FILIP1: variants seen among roughly 807,000 people sequenced by gnomAD.
FILIP1 encodes filamin-A-interacting protein 1.
In FILIP1, 61 loss-of-function variants were observed where a neutral mutation model predicts 102.1. The observed-to-expected ratio is 0.60, with a 90% CI of 0.49 to 0.74. The LOEUF (loss-of-function observed/expected upper bound fraction) is 0.74. Among genes scored for constraint, FILIP1 ranks in the 30% least tolerant of loss-of-function variants. The pLI, the probability that FILIP1 is intolerant of heterozygous loss-of-function variation, is 0.00. For missense variants in FILIP1, 1,314 were observed against 1,441.2 expected (o/e 0.91, Z 1.43); for synonymous variants, 491 against 526.9 (o/e 0.93, Z 0.93).
At chr6:75,396,236 G>A (rs1312642879) in intron 2 of FILIP1, among the ~76,000 whole-genome samples, 1 of 151,340 alleles carries the variant, frequency 6.6e-6, no homozygotes, top group Non-Finnish European at 1.5e-5. Flanking sequence ...GTGGTGAGCC[G>A]GGGTCAGCCC....
intron 1 of FILIP1, among the ~76,000 whole-genome samples, chr6:75,415,981 G>A (rs1382293317): frequency 6.6e-6 from 1 of 152,112 alleles, no homozygotes; most frequent in Admixed American, 6.6e-5. Context: ...CCTGTGGGGT[G>A]TATTTCAAAT....
chr6:75,451,192 A>C (rs1390524416), intron 1 of FILIP1, among the ~76,000 whole-genome samples: 2 of 150,868 alleles, frequency 1.3e-5, no homozygotes. Flanking sequence ...AACAAAATTC[A>C]GAGGCAAATT....
chr6:75,315,998 G>A (rs1318815046), intron 4 of FILIP1, among the ~76,000 whole-genome samples: 2 of 152,112 alleles, frequency 1.3e-5, no homozygotes, highest in Non-Finnish European at 2.9e-5. Context: ...ACTGGCACAG[G>A]ATTTTTTTAT....
intron 4 of FILIP1, chr6:75,319,620 G>C: frequency 2.3e-6 from 1 of 434,026 alleles, no homozygotes; most frequent in East Asian, 5.4e-5. Context: ...CACAAGGTCA[G>C]GAGATCGAGA....
At chr6:75,367,893 G>A (rs1373436674) in intron 2 of FILIP1, among the ~76,000 whole-genome samples, 1 of 152,090 alleles carries the variant, frequency 6.6e-6, no homozygotes, top group African/African-American at 2.4e-5. Flanking sequence ...CTGTTCTTGA[G>A]CATTAATATT....
intron 4 of FILIP1, among the ~76,000 whole-genome samples, chr6:75,333,256 T>G (rs962670153): frequency 6.6e-6 from 1 of 152,264 alleles, no homozygotes; most frequent in South Asian, 2.1e-4. Flanking sequence ...GCTAAATTTT[T>G]TTTGAATTAT....
chr6:75,326,407 G>A (rs1012812657), intron 4 of FILIP1, among the ~76,000 whole-genome samples: 5 of 151,990 alleles, frequency 3.3e-5, no homozygotes, highest in East Asian at 3.9e-4. Flanking sequence ...TACACTGCTC[G>A]GATGATGGGT....
downstream of FILIP1, among the ~76,000 whole-genome samples, chr6:75,306,155 T>C (rs1347595394): frequency 2.6e-5 from 4 of 152,336 alleles, no homozygotes; most frequent in East Asian, 7.7e-4. Context: ...AAAACTGTCA[T>C]GGTAGTTGTT....
chr6:75,469,515 C>A (rs1779270814), intron 1 of FILIP1, among the ~76,000 whole-genome samples: 1 of 151,914 alleles, frequency 6.6e-6, no homozygotes, highest in Admixed American at 6.6e-5. Context: ...CTGACCAACC[C>A]TTTAAAAAAT....
At chr6:75,379,878 CTTTA>C (rs1403125061) in intron 2 of FILIP1, among the ~76,000 whole-genome samples, 3 of 152,156 alleles carry the variant, frequency 2.0e-5, no homozygotes, top group Admixed American at 6.5e-5. Flanking sequence ...CTTTTCTTGT[CTTTA>C]TTTGTCTCCA....
chr6:75,340,860 AATT>A (rs1295999033), intron 4 of FILIP1, among the ~76,000 whole-genome samples: 1,325 of 108,528 alleles, frequency 0.012, 23 homozygotes, highest in African/African-American at 0.049. Context: ...AATGCTCAGG[AATT>A]TTTTTTTTTT....
chr6:75,398,495 G>T (rs956224957), intron 2 of FILIP1, among the ~76,000 whole-genome samples: 1 of 152,302 alleles, frequency 6.6e-6, no homozygotes, highest in East Asian at 1.9e-4. Context: ...CACTGAGGCC[G>T]AAAGGAGGGA....
chr6:75,370,701 C>A (rs959544867), intron 2 of FILIP1, among the ~76,000 whole-genome samples: 2 of 151,676 alleles, frequency 1.3e-5, no homozygotes, highest in Non-Finnish European at 2.9e-5. Flanking sequence ...CTCAGCCTCC[C>A]CAGTAGCTGG....
chr6:75,358,868 G>A (rs768632504), intron 3 of FILIP1, among the ~76,000 whole-genome samples: 24 of 149,608 alleles, frequency 1.6e-4, no homozygotes, highest in East Asian at 6.0e-4. Context: ...GACCACAGGC[G>A]CGCACCACCA....
chr6:75,492,383 G>T (rs991819316), intron 1 of FILIP1, among the ~76,000 whole-genome samples: 5 of 152,208 alleles, frequency 3.3e-5, no homozygotes, highest in African/African-American at 1.2e-4. Context: ...CAATTAAAAT[G>T]TGCTTCTATA....
At chr6:75,364,447 A>T (rs1236565614) in intron 2 of FILIP1, among the ~76,000 whole-genome samples, 5 of 152,208 alleles carry the variant, frequency 3.3e-5, no homozygotes, top group African/African-American at 1.2e-4. Context: ...TCTGCCAGGC[A>T]CCATTGTACA....
intron 1 of FILIP1, among the ~76,000 whole-genome samples, chr6:75,493,128 T>C (rs1465503517): frequency 6.6e-6 from 1 of 152,238 alleles, no homozygotes; most frequent in African/African-American, 2.4e-5. Flanking sequence ...TTGTCATAGT[T>C]CTGTTACCTG....
chr6:75,377,611 T>C (rs1290672077), intron 2 of FILIP1, among the ~76,000 whole-genome samples: 1 of 152,216 alleles, frequency 6.6e-6, no homozygotes, highest in Non-Finnish European at 1.5e-5. Flanking sequence ...CTGAGAGCAC[T>C]GAAGGCAGGA....
chr6:75,493,141 G>A (rs912081229), intron 1 of FILIP1, among the ~76,000 whole-genome samples: 5 of 152,174 alleles, frequency 3.3e-5, no homozygotes, highest in African/African-American at 4.8e-5. Flanking sequence ...GTTACCTGCC[G>A]AAGAGCACTA....
Sources: allele counts gnomAD v4.1 joint callset (sites outside exome capture counted in the v4.1 genomes callset), GRCh38; gene constraint gnomAD v4.1.1; transcripts MANE v1.5; gene names NCBI Gene and HGNC (gene_info 2026-07-23, HGNC 2026-07-21).